MGMT: variants seen among roughly 807,000 people sequenced by gnomAD.
MGMT encodes the protein methylated-DNA--protein-cysteine methyltransferase.
A neutral mutation model predicts 15.9 loss-of-function variants in MGMT; 14 were observed. That is an observed-to-expected ratio of 0.88 (90% confidence interval 0.58 to 1.37). MGMT has a LOEUF of 1.37. MGMT is among the 40% of genes most tolerant of loss of function. The probability of loss-of-function intolerance (pLI) is 0.00; values close to 1 mark genes in which losing one functional copy is unlikely to be tolerated. For missense variants in MGMT, 282 were observed against 268.1 expected (o/e 1.05, Z -0.36); for synonymous variants, 130 against 118.2 (o/e 1.10, Z -0.65).
At chr10:129,582,007 G>A (rs980815267) in intron 2 of MGMT, among the ~76,000 whole-genome samples, 1 of 152,232 alleles carries the variant, frequency 6.6e-6, no homozygotes, top group African/African-American at 2.4e-5. Context: ...CAGGGTGTGC[G>A]AGCCACGTGG....
intron 2 of MGMT, among the ~76,000 whole-genome samples, chr10:129,609,422 C>T (rs1846933101): frequency 6.6e-6 from 1 of 152,102 alleles, no homozygotes; most frequent in Admixed American, 6.5e-5. Flanking sequence ...CCCCTGGAGG[C>T]TGGATGGTAG....
intron 1 of MGMT, among the ~76,000 whole-genome samples, chr10:129,498,486 TTTTC>T (rs1471654579): frequency 6.6e-6 from 1 of 152,216 alleles, no homozygotes; most frequent in Non-Finnish European, 1.5e-5. Flanking sequence ...AAGAGCTGTC[TTTTC>T]TTTCCCTTTT....
intron 2 of MGMT, among the ~76,000 whole-genome samples, chr10:129,608,000 A>T (rs1846912590): frequency 6.6e-6 from 1 of 152,194 alleles, no homozygotes; most frequent in Admixed American, 6.5e-5. Context: ...TTCAGCTGGG[A>T]AAATGGAATA....
intron 2 of MGMT, among the ~76,000 whole-genome samples, chr10:129,684,624 AAAGG>A (rs1196882505): frequency 6.6e-6 from 1 of 152,232 alleles, no homozygotes; most frequent in Non-Finnish European, 1.5e-5. Context: ...TTGAAAGGAA[AAAGG>A]AAGAAAACAC....
intron 2 of MGMT, 90 bp downstream of exon 2, chr10:129,536,467 AG>A: frequency 4.0e-6 from 6 of 1,502,024 alleles, no homozygotes; most frequent in Non-Finnish European, 5.4e-6. Context: ...CATTGATGGC[AG>A]GGTAACGCAT....
At chr10:129,711,934 T>G (rs1848237696) in intron 3 of MGMT, among the ~76,000 whole-genome samples, 1 of 152,260 alleles carries the variant, frequency 6.6e-6, no homozygotes, top group Admixed American at 6.5e-5. Flanking sequence ...TCTTAGTGTT[T>G]ATTTATGAAA....
intron 2 of MGMT, among the ~76,000 whole-genome samples, chr10:129,595,541 T>C (rs1162967133): frequency 6.6e-6 from 1 of 152,024 alleles, no homozygotes; most frequent in East Asian, 1.9e-4. Context: ...GTGGTGGTCT[T>C]CGGGGGGGTC....
At chr10:129,554,386 T>G (rs1190996327) in intron 2 of MGMT, among the ~76,000 whole-genome samples, 2 of 152,228 alleles carry the variant, frequency 1.3e-5, no homozygotes, top group African/African-American at 4.8e-5. Context: ...CTACTTAATT[T>G]TATATCTTAA....
chr10:129,635,697 T>C (rs955243539), intron 2 of MGMT, among the ~76,000 whole-genome samples: 1 of 152,262 alleles, frequency 6.6e-6, no homozygotes, highest in African/African-American at 2.4e-5. Context: ...CCCTAAACTT[T>C]CTGATCATCG....
At position 129,736,721 on chromosome 10, in the gene MGMT, T is replaced by C. The variant is rs529982812; in HGVS notation, c.275-22481T>C. ...ACCGGTTGTTCCTTTCCATGTTTAG[T>C]GCTTCCTTCAGGAGCTCTTTTAGGG... On this transcript the variant is annotated intron_variant, in intron 3 of 4. Coordinates refer to ENST00000651593, the MANE Select transcript of MGMT (RefSeq NM_002412.5). Among the ~76,000 whole-genome samples, 1,111 of 152,272 alleles carry C rather than the reference T, an allele frequency of 7.3e-3. 12 individuals are homozygous for C. Among genetic ancestry groups the C allele is most frequent in the African/African-American group, 0.026 (1,090 of 41,544 alleles).
chr10:129,592,995 C>G (rs1846706339), intron 2 of MGMT, among the ~76,000 whole-genome samples: 1 of 152,146 alleles, frequency 6.6e-6, no homozygotes, highest in South Asian at 2.1e-4. Context: ...AAGGGTGAGA[C>G]TGAAAAGTCA....
intron 2 of MGMT, among the ~76,000 whole-genome samples, chr10:129,599,279 T>TTATAGTTCATGAGG (rs1846789442): frequency 6.6e-6 from 1 of 152,196 alleles, no homozygotes; most frequent in South Asian, 2.1e-4. Context: ...CCTCCACTTG[T>TTATAGTTCATGAGG]TATAGTTCAT....
chr10:129,681,640 T>C (rs1234125448), intron 2 of MGMT, among the ~76,000 whole-genome samples: 1 of 152,164 alleles, frequency 6.6e-6, no homozygotes, highest in Admixed American at 6.5e-5. Context: ...TACATGTGGA[T>C]TTTTTTCAAC....
At chr10:129,684,118 C>A (rs1847881530) in intron 2 of MGMT, among the ~76,000 whole-genome samples, 1 of 152,172 alleles carries the variant, frequency 6.6e-6, no homozygotes, top group African/African-American at 2.4e-5. Context: ...TAATTTTTGC[C>A]TATTAATAAA....
At position 129,768,681 on chromosome 10, in the gene MGMT, G is replaced by T. The variant is rs1848966164; in HGVS notation, c.*1684G>T. ...CAAGGCAGCAGCTTGGGGCCTGGTG[G>T]CCCGGGTGTGCGAGCCGCGAGTGCT... On this transcript the variant is annotated 3_prime_UTR_variant, in exon 5 of 5. Coordinates refer to ENST00000651593, the MANE Select transcript of MGMT (RefSeq NM_002412.5). 1.3e-5 allele frequency among the ~76,000 whole-genome samples: 2 copies of T among 152,234 alleles called. No homozygotes were observed. Among genetic ancestry groups the T allele is most frequent in the Admixed American group, 6.5e-5 (1 of 15,292 alleles).
At chr10:129,570,806 ATCCTT>A (rs1202991078) in intron 2 of MGMT, among the ~76,000 whole-genome samples, 3 of 152,352 alleles carry the variant, frequency 2.0e-5, no homozygotes, top group African/African-American at 7.2e-5. Flanking sequence ...GATTCTGCCT[ATCCTT>A]TAATACTATA....
intron 2 of MGMT, among the ~76,000 whole-genome samples, chr10:129,571,132 G>T (rs1231985745): frequency 2.0e-5 from 3 of 152,104 alleles, no homozygotes; most frequent in Non-Finnish European, 4.4e-5. Context: ...CCCTATTTCC[G>T]CAGTTCAAAG....
Position 129,483,833 on chromosome 10 carries a change from AT to A in MGMT, c.-13+16545del, listed in dbSNP as rs943402094. 2.9e-3 allele frequency among the ~76,000 whole-genome samples: 440 copies of A among 151,514 alleles called. 2 individuals carry two copies. Among genetic ancestry groups the A allele is most frequent in the African/African-American group, 0.01 (416 of 41,284 alleles). ...GGACTAGAAGTGTTTCTGATTTTGG[AT>A]TTTTTTTGGATTTTGGAATATTTGC... On this transcript the variant is annotated intron_variant, in intron 1 of 4. Coordinates refer to ENST00000651593, the MANE Select transcript of MGMT (RefSeq NM_002412.5).
Position 129,657,707 on chromosome 10 carries a change from G to GCACACACACACA in MGMT, c.126-50178_126-50167dup, listed in dbSNP as rs57838117. On this transcript the variant is annotated intron_variant, in intron 2 of 4. Transcript: ENST00000651593. ...CACACACACACACACACACACACAC[G>GCACACACACACA]CACACACACACACACACACACCCCC... Among the ~76,000 whole-genome samples, 161 of 111,550 alleles carry GCACACACACACA rather than the reference G, an allele frequency of 1.4e-3. 1 individual carries two copies. Among genetic ancestry groups the GCACACACACACA allele is most frequent in the African/African-American group, 3.5e-3 (109 of 30,832 alleles). 73.2% of individuals were successfully genotyped at this position (111,550 alleles called of 152,430 possible).
Sources: gnomAD v4.1 joint callset for allele counts (sites outside exome capture counted in the v4.1 genomes callset) on GRCh38, gnomAD v4.1.1 for gene constraint, MANE v1.5 for transcripts, NCBI Gene and HGNC (gene_info 2026-07-23, HGNC 2026-07-21) for gene names.